LDB2: variants seen among roughly 807,000 people sequenced by gnomAD.
LDB2 encodes the protein LIM domain binding 2.
LDB2 carries 12 observed loss-of-function variants against 44.3 expected under a neutral mutation model. That is an observed-to-expected ratio of 0.27 (90% confidence interval 0.17 to 0.44). The LOEUF (loss-of-function observed/expected upper bound fraction) is 0.44. Ranked by LOEUF, LDB2 falls within the 20% of genes least tolerant of loss-of-function variation. The pLI is 1.00. For missense variants in LDB2, 344 were observed against 473.5 expected, an observed-to-expected ratio of 0.73 and a Z score of 2.54; for synonymous variants, 164 against 174.8, an observed-to-expected ratio of 0.94 and a Z score of 0.49.
chr4:16,576,112 T>G (rs1336455574), intron 5 of LDB2, among the ~76,000 whole-genome samples: 1 of 152,198 alleles, frequency 6.6e-6, no homozygotes, highest in Non-Finnish European at 1.5e-5. Context: ...GAGGGAAGTT[T>G]ATACCTGAAA....
chr4:16,792,759 A>G (rs1776031167), intron 1 of LDB2, among the ~76,000 whole-genome samples: 2 of 152,224 alleles, frequency 1.3e-5, no homozygotes, highest in South Asian at 4.1e-4. Flanking sequence ...CTTTTTGCTC[A>G]GTGACTTACA....
intron 2 of LDB2, 122 bp from the exon 3 acceptor site, chr4:16,595,997 A>T (rs1578095881): frequency 1.0e-6 from 1 of 992,406 alleles, no homozygotes; most frequent in East Asian, 2.7e-5. Context: ...CCATACCAGG[A>T]GGCAAATTTC....
At chr4:16,765,732 G>T (rs1357196961) in intron 1 of LDB2, among the ~76,000 whole-genome samples, 6 of 152,160 alleles carry the variant, frequency 3.9e-5, no homozygotes, top group African/African-American at 9.7e-5. Flanking sequence ...CAGTGGCTAG[G>T]GGCCAAGACA....
At chr4:16,759,611 C>T (rs1421775241) in intron 1 of LDB2, among the ~76,000 whole-genome samples, 1 of 152,164 alleles carries the variant, frequency 6.6e-6, no homozygotes, top group African/African-American at 2.4e-5. Flanking sequence ...CTCTTTCTCT[C>T]TCTCTGCTCT....
chr4:16,824,784 G>C (rs1320098829), intron 1 of LDB2, among the ~76,000 whole-genome samples: 1 of 152,228 alleles, frequency 6.6e-6, no homozygotes, highest in African/African-American at 2.4e-5. Context: ...AGACTGAACA[G>C]GGATTTCCTT....
At chr4:16,638,255 CT>C (rs1467579336) in intron 2 of LDB2, among the ~76,000 whole-genome samples, 4 of 152,242 alleles carry the variant, frequency 2.6e-5, no homozygotes, top group African/African-American at 9.6e-5. Flanking sequence ...CACACTTTCA[CT>C]TGGTACTTCC....
At chr4:16,698,498 T>C (rs1231117884) in intron 2 of LDB2, among the ~76,000 whole-genome samples, 1 of 152,224 alleles carries the variant, frequency 6.6e-6, no homozygotes, top group East Asian at 1.9e-4. Flanking sequence ...ATTTGATTTG[T>C]ATTTCTTTCA....
chr4:16,885,677 G>A (rs1282722407), intron 1 of LDB2, among the ~76,000 whole-genome samples: 1 of 152,184 alleles, frequency 6.6e-6, no homozygotes, highest in Non-Finnish European at 1.5e-5. Flanking sequence ...TATGAATTGT[G>A]CTAAAATATT....
intron 2 of LDB2, among the ~76,000 whole-genome samples, chr4:16,681,807 G>A (rs1456704003): frequency 2.0e-5 from 3 of 151,744 alleles, no homozygotes; most frequent in Non-Finnish European, 2.9e-5. Context: ...TTCTGACCTC[G>A]TGATCTGCCC....
intron 2 of LDB2, among the ~76,000 whole-genome samples, chr4:16,747,307 T>A (rs1475830371): frequency 6.6e-6 from 1 of 152,154 alleles, no homozygotes; most frequent in African/African-American, 2.4e-5. Flanking sequence ...GAGCTCCAAG[T>A]ACTAAAGCAT....
chr4:16,767,511 A>G (rs923200393), intron 1 of LDB2, among the ~76,000 whole-genome samples: 1 of 152,116 alleles, frequency 6.6e-6, no homozygotes. Context: ...GATCTGGGAC[A>G]CGTGTTTTCC....
intron 2 of LDB2, among the ~76,000 whole-genome samples, chr4:16,699,466 G>A (rs1157144638): frequency 6.6e-6 from 1 of 152,154 alleles, no homozygotes; most frequent in Non-Finnish European, 1.5e-5. Context: ...TATAAAACTA[G>A]TTCTGTATAC....
At chr4:16,834,106 C>T (rs1288470215) in intron 1 of LDB2, among the ~76,000 whole-genome samples, 7 of 152,160 alleles carry the variant, frequency 4.6e-5, no homozygotes, top group African/African-American at 1.7e-4. Flanking sequence ...CTTCTTGATA[C>T]TCTATTATGT....
intron 2 of LDB2, among the ~76,000 whole-genome samples, chr4:16,689,246 G>A (rs1448712059): frequency 6.6e-6 from 1 of 152,180 alleles, no homozygotes; most frequent in African/African-American, 2.4e-5. Context: ...AACACAGGGT[G>A]GGGGAATATG....
At chr4:16,771,864 C>T (rs1770775756) in intron 1 of LDB2, among the ~76,000 whole-genome samples, 1 of 152,220 alleles carries the variant, frequency 6.6e-6, no homozygotes, top group South Asian at 2.1e-4. Flanking sequence ...TGCAAAGAAG[C>T]CTGGAGGATC....
intron 2 of LDB2, among the ~76,000 whole-genome samples, chr4:16,655,879 G>A (rs925759129): frequency 6.3e-5 from 9 of 142,502 alleles, no homozygotes; most frequent in African/African-American, 2.4e-4. Flanking sequence ...GAAAACGTTG[G>A]TTGTTCTGCA....
chr4:16,826,667 C>G (rs1223083787), intron 1 of LDB2: 1 of 152,088 alleles, frequency 6.6e-6, no homozygotes, highest in South Asian at 2.1e-4. Flanking sequence ...ACTGCTAAAC[C>G]TTAGCTCTAA....
chr4:16,862,168 T>C (rs1712807126), intron 1 of LDB2, among the ~76,000 whole-genome samples: 1 of 152,228 alleles, frequency 6.6e-6, no homozygotes, highest in African/African-American at 2.4e-5. Context: ...TATCTTCACA[T>C]GCTTAGTATA....
intron 1 of LDB2, among the ~76,000 whole-genome samples, chr4:16,839,995 G>A (rs1239599874): frequency 6.6e-6 from 1 of 152,152 alleles, no homozygotes; most frequent in African/African-American, 2.4e-5. Context: ...GCTGAAAACA[G>A]CCTAAAGGTC....
Sources: gnomAD v4.1 joint callset for allele counts (sites outside exome capture counted in the v4.1 genomes callset) on GRCh38, gnomAD v4.1.1 for gene constraint, MANE v1.5 for transcripts, NCBI Gene and HGNC (gene_info 2026-07-23, HGNC 2026-07-21) for gene names.